Variants in GRIN2B observed in about 807,000 individuals in gnomAD.
The protein encoded by GRIN2B is glutamate receptor ionotropic, NMDA 2B.
In GRIN2B, 5 loss-of-function variants were observed where a neutral mutation model predicts 114.5. That is an observed-to-expected ratio of 0.04 (90% CI 0.02 to 0.09). The LOEUF (loss-of-function observed/expected upper bound fraction) is 0.09, where lower values mean the gene tolerates loss of function less well. Ranked by LOEUF, GRIN2B falls within the 10% of genes least tolerant of loss-of-function variation. The pLI, the probability that GRIN2B is intolerant of heterozygous loss-of-function variation, is 1.00. For synonymous variants in GRIN2B, 787 were observed against 745.1 expected (o/e 1.06, Z -0.92); for missense variants, 1,108 against 1,943.5 (o/e 0.57, Z 8.08).
intron 3 of GRIN2B, among the ~76,000 whole-genome samples, chr12:13,789,641 G>A (rs1487724523): frequency 6.6e-6 from 1 of 152,166 alleles, no homozygotes; most frequent in African/African-American, 2.4e-5. Flanking sequence ...GCTCATGTAA[G>A]AATTGTTGGA....
chr12:13,941,189 T>C (rs1867243792), intron 2 of GRIN2B, among the ~76,000 whole-genome samples: 2 of 152,226 alleles, frequency 1.3e-5, no homozygotes, highest in South Asian at 4.2e-4. Context: ...ACCAAAACAG[T>C]ACTGCTAGAT....
chr12:13,919,985 A>G (rs555849441), intron 2 of GRIN2B, among the ~76,000 whole-genome samples: 1 of 152,328 alleles, frequency 6.6e-6, no homozygotes, highest in South Asian at 2.1e-4. Flanking sequence ...CCATCAATTC[A>G]GATTTTCTCC....
Position 13,960,967 on chromosome 12 carries a change from T to C in GRIN2B, c.-19+18961A>G, listed in dbSNP as rs563052880. Among the ~76,000 whole-genome samples the C allele has an allele frequency of 2.8e-4, 43 of 152,250 alleles. 1 individual carries two copies. The South Asian group carries it at 8.9e-3, about 32-fold the overall frequency. On this transcript the variant is annotated intron_variant, in intron 2 of 13. Coordinates refer to ENST00000609686, the MANE Select transcript of GRIN2B (RefSeq NM_000834.5). Reference sequence around the variant, plus strand: ...ACACCATCAACTGAGACCAGGACTATGGAGGAGAGAATGCTCAGAGAGCCC... The same window carrying C: ...ACACCATCAACTGAGACCAGGACTACGGAGGAGAGAATGCTCAGAGAGCCC...
chr12:13,563,561 G>A lies in GRIN2B; in HGVS notation c.3677C>T (p.Ser1226Phe). The change falls in exon 14 of 14, where the codon TCC becomes TTC. Residue 1226 changes from serine (S) to phenylalanine (F), a missense_variant. Physicochemically the swap from Ser to Phe is radical, Grantham distance 155. Transcript: ENST00000609686. The stretch of plus-strand genomic sequence containing the variant: ...CGAGTTCTGACCCGTCACCGTCGTG[G>A]AGTAGTTGTGCAGCTTGGAGGGACA... ...RSCPSKLHNY[S>F]TTVTGQNSGR... 6.2e-7 allele frequency: 1 copy of A among 1,614,148 alleles called. No individual in the cohort carries two copies. Among genetic ancestry groups the A allele is most frequent in the Non-Finnish European group, 8.5e-7 (1 of 1,180,026 alleles).
intron 4 of GRIN2B, among the ~76,000 whole-genome samples, chr12:13,747,071 A>C (rs1247822036): frequency 6.6e-6 from 1 of 152,220 alleles, no homozygotes; most frequent in Non-Finnish European, 1.5e-5. Flanking sequence ...AAATGCAAAA[A>C]GGAGGAAGGC....
Position 13,981,332 on chromosome 12 carries a change from C to A in GRIN2B, c.-448+10G>T, listed in dbSNP as rs917449361. 1.3e-5 allele frequency: 2 copies of A among 152,262 alleles called. No individual in the cohort carries two copies. Among genetic ancestry groups the A allele is most frequent in the African/African-American group, 4.8e-5 (2 of 41,446 alleles). The allele number at this position is 152,262 out of a possible 1,614,324, so 9.4% of individuals were successfully genotyped here. On this transcript the variant is annotated intron_variant, in intron 1 of 13. Transcript: ENST00000609686. ...TCAAAGGAGAGACTCCAAAGCCCAT[C>A]TTTACGTACCGGCTCCGAGCGCCTC...
At chr12:13,708,802 CTTTG>C (rs987903653) in intron 4 of GRIN2B, among the ~76,000 whole-genome samples, 5 of 151,996 alleles carry the variant, frequency 3.3e-5, no homozygotes, top group African/African-American at 9.7e-5. Flanking sequence ...CTAGTGTTTT[CTTTG>C]TTTATTAGCT....
chr12:13,791,766 T>C (rs750899015), intron 3 of GRIN2B, among the ~76,000 whole-genome samples: 11 of 152,222 alleles, frequency 7.2e-5, no homozygotes, highest in Non-Finnish European at 1.2e-4. Context: ...AGGTAATTAG[T>C]GTATCCATCA....
rs80073820 is a variant in GRIN2B, at chr12:13,887,760, A to G, written c.-18-21534T>C. Among the ~76,000 whole-genome samples, 1,239 of 152,334 alleles carry G rather than the reference A, an allele frequency of 8.1e-3. 3 individuals are homozygous for G. The highest frequency in any genetic ancestry group is 0.014 in the Middle Eastern group (4 of 294). On this transcript the variant is annotated intron_variant, in intron 2 of 13. Coordinates refer to ENST00000609686, the MANE Select transcript of GRIN2B (RefSeq NM_000834.5). The stretch of plus-strand genomic sequence containing the variant: ...TTTATTTCTTTGGAGCAATCTCGAA[A>G]AGAAGAGAGGGACAACTGATGCCTC...
intron 2 of GRIN2B, among the ~76,000 whole-genome samples, chr12:13,915,058 A>G (rs1381042816): frequency 6.6e-6 from 1 of 152,186 alleles, no homozygotes; most frequent in East Asian, 1.9e-4. Flanking sequence ...GAAGAATCCA[A>G]AAGTTGCCAG....
At chr12:13,606,337 T>C (rs1949247090) in intron 10 of GRIN2B, among the ~76,000 whole-genome samples, 1 of 152,148 alleles carries the variant, frequency 6.6e-6, no homozygotes, top group South Asian at 2.1e-4. Flanking sequence ...GGAGCCAGCA[T>C]GTGCGGAGAT....
At chr12:13,715,923 T>C (rs1373776430) in intron 4 of GRIN2B, among the ~76,000 whole-genome samples, 1 of 151,950 alleles carries the variant, frequency 6.6e-6, no homozygotes, top group Non-Finnish European at 1.5e-5. Context: ...CTATGGGATG[T>C]GGTGATGGAG....
intron 10 of GRIN2B, among the ~76,000 whole-genome samples, chr12:13,597,267 C>A (rs1411185990): frequency 6.6e-6 from 1 of 152,136 alleles, no homozygotes; most frequent in African/African-American, 2.4e-5. Context: ...AATCTAAGGC[C>A]AATTTGCACT....
At chr12:13,944,104 C>T (rs1361746246) in intron 2 of GRIN2B, among the ~76,000 whole-genome samples, 1 of 152,084 alleles carries the variant, frequency 6.6e-6, no homozygotes, top group Non-Finnish European at 1.5e-5. Context: ...TATGGATGGG[C>T]CTATTCATTA....
rs1591706568 is a variant in GRIN2B at position 13,741,268 on chromosome 12, G to T, written c.1010+12049C>A. Among the ~76,000 whole-genome samples, 3 of 152,078 alleles carry T rather than the reference G, an allele frequency of 2.0e-5. No individual in the cohort carries two copies. The South Asian group carries it at 6.2e-4, about 32-fold the overall frequency. ...GCTGTTCTTGAACTCCTGACCTCATGATCCACCCACCTTGGCCTTCCAAAG... is the reference window on the plus strand; with the variant it reads ...GCTGTTCTTGAACTCCTGACCTCATTATCCACCCACCTTGGCCTTCCAAAG... On this transcript the variant is annotated intron_variant, in intron 4 of 13. Coordinates refer to ENST00000609686, the MANE Select transcript of GRIN2B (RefSeq NM_000834.5).
chr12:13,877,495 CA>C (rs578239380), intron 2 of GRIN2B, among the ~76,000 whole-genome samples: 14 of 152,188 alleles, frequency 9.2e-5, no homozygotes, highest in Admixed American at 2.6e-4. Context: ...TGTAACTGAG[CA>C]CCTATTCGAA....
At chr12:13,877,141 T>C (rs1019059823) in intron 2 of GRIN2B, among the ~76,000 whole-genome samples, 3 of 152,162 alleles carry the variant, frequency 2.0e-5, no homozygotes, top group Non-Finnish European at 4.4e-5. Context: ...GAGAGTTGCA[T>C]GTGTGTGAGC....
At chr12:13,930,153 C>G (rs1867000133) in intron 2 of GRIN2B, among the ~76,000 whole-genome samples, 1 of 152,056 alleles carries the variant, frequency 6.6e-6, no homozygotes, top group African/African-American at 2.4e-5. Flanking sequence ...CATTGCACTC[C>G]AGCCTGGGCA....
intron 5 of GRIN2B, among the ~76,000 whole-genome samples, chr12:13,619,164 G>T (rs1037257823): frequency 6.6e-6 from 1 of 152,138 alleles, no homozygotes; most frequent in Non-Finnish European, 1.5e-5. Flanking sequence ...AAACTGCATT[G>T]CAGAATCAAG....
Sources: allele counts gnomAD v4.1 joint callset (sites outside exome capture counted in the v4.1 genomes callset), GRCh38; gene constraint gnomAD v4.1.1; transcripts MANE v1.5; gene names NCBI Gene and HGNC (gene_info 2026-07-23, HGNC 2026-07-21).